GRK3: variants seen among roughly 807,000 people sequenced by gnomAD.
GRK3 encodes G protein-coupled receptor kinase 3, also known as adrenergic, beta, receptor kinase 2.
Under a neutral mutation model 95.7 loss-of-function variants are expected in GRK3, and 54 were observed. The ratio of observed to expected loss-of-function variants is 0.56; its 90% confidence interval spans 0.45 to 0.71. The LOEUF (loss-of-function observed/expected upper bound fraction) is 0.71, where lower values mean the gene tolerates loss of function less well. Among genes scored for constraint, GRK3 ranks in the 30% least tolerant of loss-of-function variants. The pLI is 0.00. For missense variants in GRK3, 649 were observed against 851.2 expected (o/e 0.76, Z 2.96); for synonymous variants, 281 against 290.8 (o/e 0.97, Z 0.34).
intron 2 of GRK3, among the ~76,000 whole-genome samples, chr22:25,635,633 T>G (rs769498802): frequency 1.3e-5 from 2 of 152,200 alleles, no homozygotes; most frequent in African/African-American, 4.8e-5. Context: ...CAGGAGACCA[T>G]AGGTCAGATG....
At chr22:25,595,037 ATCTATG>A (rs2084363007) in intron 1 of GRK3, among the ~76,000 whole-genome samples, 1 of 152,186 alleles carries the variant, frequency 6.6e-6, no homozygotes, top group Non-Finnish European at 1.5e-5. Context: ...AATAACAGCT[ATCTATG>A]ACAAACCTAA....
chr22:25,576,980 A>G (rs1191202975), intron 1 of GRK3, among the ~76,000 whole-genome samples: 8 of 152,206 alleles, frequency 5.3e-5, no homozygotes, highest in Admixed American at 2.0e-4. Context: ...TAAGATTGTT[A>G]TTAATAATGA....
chr22:25,587,875 T>C (rs1189845024), intron 1 of GRK3, among the ~76,000 whole-genome samples: 1 of 152,230 alleles, frequency 6.6e-6, no homozygotes, highest in Non-Finnish European at 1.5e-5. Context: ...ACCATGATTG[T>C]GAGGCCTCCC....
intron 15 of GRK3, 42 bp from the exon 16 acceptor site, chr22:25,709,856 C>T: frequency 6.9e-7 from 1 of 1,447,572 alleles, no homozygotes; most frequent in Non-Finnish European, 9.7e-7. Flanking sequence ...TATTACGTTT[C>T]CAAATGCATA....
At chr22:25,630,745 A>ATC (rs900032119) in intron 2 of GRK3, among the ~76,000 whole-genome samples, 1 of 152,132 alleles carries the variant, frequency 6.6e-6, no homozygotes, top group Non-Finnish European at 1.5e-5. Context: ...ATGGCTCAAA[A>ATC]TCTCTCCGTT....
At chr22:25,639,964 T>C (rs1382338911) in intron 2 of GRK3, among the ~76,000 whole-genome samples, 1 of 152,184 alleles carries the variant, frequency 6.6e-6, no homozygotes, top group Non-Finnish European at 1.5e-5. Context: ...TTTAAAATTG[T>C]GTGCTATGAG....
At chr22:25,618,030 C>A (rs1182520046) in intron 2 of GRK3, among the ~76,000 whole-genome samples, 1 of 152,242 alleles carries the variant, frequency 6.6e-6, no homozygotes, top group Non-Finnish European at 1.5e-5. Context: ...GCCTTGGCCT[C>A]CCAAAGTGCT....
chr22:25,710,380 G>A (rs996470457), intron 16 of GRK3, among the ~76,000 whole-genome samples: 1 of 151,968 alleles, frequency 6.6e-6, no homozygotes, highest in Admixed American at 6.6e-5. Context: ...TGAAACTTCT[G>A]CCATAAACGT....
rs770884229 is a variant in GRK3, at chr22:25,661,599, T to C, written c.288T>C (p.Asp96=). 1 of 1,612,326 alleles carries C rather than the reference T, an allele frequency of 6.2e-7. No homozygotes were observed. The highest frequency in any genetic ancestry group is 2.2e-5 in the East Asian group (1 of 44,856). The change falls in exon 4 of 21, where the codon GAT becomes GAC. Residue 96 remains aspartate (D), a synonymous_variant. Coordinates refer to ENST00000324198, the MANE Select transcript of GRK3 (RefSeq NM_005160.4). ...YEEIKEYEKL[D]NEEDRLCRSR... The stretch of plus-strand genomic sequence containing the variant: ...AGATAAAGGAATATGAAAAACTTGA[T>C]AATGAGGAAGACCGCCTTTGCAGAA...
intron 13 of GRK3, among the ~76,000 whole-genome samples, chr22:25,697,978 A>G (rs964821803): frequency 3.3e-5 from 5 of 152,192 alleles, no homozygotes; most frequent in Admixed American, 3.3e-4. Context: ...TAAGTGATTT[A>G]AATTAAATGT....
chr22:25,714,653 C>A, intron 18 of GRK3, 83 bp downstream of exon 18: 1 of 1,338,780 alleles, frequency 7.5e-7, no homozygotes, highest in South Asian at 1.6e-5. Flanking sequence ...GTATTTGGGT[C>A]GTAAGGTATT....
rs553174626 is a variant in GRK3 at position 25,584,127 on chromosome 22, CTT to C, written c.113+18976_113+18977del. ...CTTTGGGAGTACTTTTTCTGGAAGACTTTGATTTGTTTTGAAAAGTGGCTTTG... is the reference window on the plus strand; with the variant it reads ...CTTTGGGAGTACTTTTTCTGGAAGACTGATTTGTTTTGAAAAGTGGCTTTG... On this transcript the variant is annotated intron_variant, in intron 1 of 20. Coordinates refer to ENST00000324198, the MANE Select transcript of GRK3 (RefSeq NM_005160.4). 5.9e-4 allele frequency among the ~76,000 whole-genome samples: 90 copies of C among 152,256 alleles called. 1 individual carries two copies. Among genetic ancestry groups the C allele is most frequent in the African/African-American group, 2.0e-3 (84 of 41,558 alleles).
intron 9 of GRK3, among the ~76,000 whole-genome samples, chr22:25,684,203 C>A (rs1182385378): frequency 6.6e-6 from 1 of 152,192 alleles, no homozygotes; most frequent in Admixed American, 6.5e-5. Context: ...TTTTCCATTT[C>A]ATTGGTCTAC....
chr22:25,571,643 G>T (rs913193199), intron 1 of GRK3, among the ~76,000 whole-genome samples: 3 of 152,166 alleles, frequency 2.0e-5, no homozygotes, highest in Admixed American at 2.0e-4. Flanking sequence ...TCTTGCAAGT[G>T]CTGTGGTGCC....
chr22:25,648,700 A>G, intron 3 of GRK3: 1 of 1,023,640 alleles, frequency 9.8e-7, no homozygotes, highest in South Asian at 1.3e-5. Flanking sequence ...GGAGATGGAA[A>G]GTATTTGAAG....
At position 25,677,397 on chromosome 22, in the gene GRK3, A is replaced by G. The variant is rs896805812; in HGVS notation, c.648-1419A>G. On this transcript the variant is annotated intron_variant, in intron 8 of 20. Coordinates refer to ENST00000324198, the MANE Select transcript of GRK3 (RefSeq NM_005160.4). Reference sequence around the variant, plus strand: ...TATCTTAAAAAAAAAAAAAAAAAAAAAAAAGAAAAGGAAAAAAAAAGAAAA... The same window carrying G: ...TATCTTAAAAAAAAAAAAAAAAAAAGAAAAGAAAAGGAAAAAAAAAGAAAA... Among the ~76,000 whole-genome samples the G allele has an allele frequency of 3.3e-5, 5 of 149,552 alleles. No homozygotes were observed. In the South Asian group the frequency reaches 6.4e-4, roughly 19 times the overall value.
intron 17 of GRK3, 65 bp from the exon 18 acceptor site, chr22:25,714,343 G>A (rs556973756): frequency 2.3e-5 from 33 of 1,408,892 alleles, no homozygotes; most frequent in Non-Finnish European, 2.8e-5. Context: ...TGGATGTGGC[G>A]CCGCGGACTC....
chr22:25,593,942 C>G (rs188154424), intron 1 of GRK3, among the ~76,000 whole-genome samples: 3 of 152,242 alleles, frequency 2.0e-5, no homozygotes, highest in Non-Finnish European at 4.4e-5. Context: ...TGGGTTCTCT[C>G]TTCTATTCCA....
chr22:25,600,894 TAAC>T (rs2084405114), intron 1 of GRK3, among the ~76,000 whole-genome samples: 1 of 152,198 alleles, frequency 6.6e-6, no homozygotes, highest in South Asian at 2.1e-4. Flanking sequence ...AAAATAGACT[TAAC>T]AAAGATTATA....
Sources: allele counts gnomAD v4.1 joint callset (sites outside exome capture counted in the v4.1 genomes callset), GRCh38; gene constraint gnomAD v4.1.1; transcripts MANE v1.5; gene names NCBI Gene and HGNC (gene_info 2026-07-23, HGNC 2026-07-21).